The following EYS variants were observed in gnomAD, a reference collection of about 807,000 sequenced individuals.
EYS encodes EGF-like photoreceptor maintenance factor, also known as protein eyes shut homolog.
EYS carries 250 observed loss-of-function variants against 282.1 expected under a neutral mutation model. That is an observed-to-expected ratio of 0.89 (90% CI 0.80 to 0.98). The LOEUF (loss-of-function observed/expected upper bound fraction) is 0.98. Ranked by LOEUF, EYS falls within the 50% of genes least tolerant of loss-of-function variation. EYS has a pLI of 0.00. For synonymous variants in EYS, 1,355 were observed against 1,282.9 expected (o/e 1.06, Z -1.20); for missense variants, 4,016 against 3,709.0 (o/e 1.08, Z -2.15).
At chr6:64,568,317 G>A (rs1765622255) in intron 26 of EYS, among the ~76,000 whole-genome samples, 1 of 152,216 alleles carries the variant, frequency 6.6e-6, no homozygotes, top group African/African-American at 2.4e-5. Context: ...AACAGAGCTA[G>A]TGAAGGAAGA....
At chr6:64,561,765 G>C (rs1765400566) in intron 26 of EYS, among the ~76,000 whole-genome samples, 1 of 151,822 alleles carries the variant, frequency 6.6e-6, no homozygotes, top group African/African-American at 2.4e-5. Context: ...GCAATTTACA[G>C]ATGTAATACT....
chr6:65,384,339 T>C, intron 8 of EYS, 47 bp downstream of exon 8: 1 of 1,014,790 alleles, frequency 9.9e-7, no homozygotes, highest in Non-Finnish European at 1.6e-6. Flanking sequence ...CTGAGTCTAT[T>C]GTATTTTGAA....
intron 26 of EYS, among the ~76,000 whole-genome samples, chr6:64,455,156 C>G (rs1288144540): frequency 1.3e-5 from 2 of 152,056 alleles, no homozygotes; most frequent in Admixed American, 1.3e-4. Flanking sequence ...AGGCAATCCT[C>G]CCTCCTCTGC....
intron 31 of EYS, among the ~76,000 whole-genome samples, chr6:64,186,665 C>A (rs1444186007): frequency 6.6e-6 from 1 of 152,036 alleles, no homozygotes; most frequent in African/African-American, 2.4e-5. Context: ...GGAGTGAAAG[C>A]AACTAAACAG....
intron 12 of EYS, among the ~76,000 whole-genome samples, chr6:65,178,996 A>T (rs1765301148): frequency 6.6e-6 from 1 of 152,120 alleles, no homozygotes. Flanking sequence ...AGAAATAAAG[A>T]TGTCCTTTGA....
At chr6:64,359,635 T>C (rs1257051236) in intron 29 of EYS, among the ~76,000 whole-genome samples, 1 of 151,680 alleles carries the variant, frequency 6.6e-6, no homozygotes, top group Non-Finnish European at 1.5e-5. Flanking sequence ...AATTCAAAGA[T>C]TGGGGTGCCA....
chr6:63,855,480 T>TA, intron 36 of EYS, among the ~76,000 whole-genome samples: 1 of 152,210 alleles, frequency 6.6e-6, no homozygotes, highest in Admixed American at 6.5e-5. Flanking sequence ...CACAAATACT[T>TA]ATGATTATCT....
chr6:64,506,510 T>A (rs1248632251), intron 26 of EYS, among the ~76,000 whole-genome samples: 1 of 152,204 alleles, frequency 6.6e-6, no homozygotes. Context: ...TTTAGCACAA[T>A]AAAATTTAAT....
At chr6:64,873,999 T>C (rs191249168) in intron 19 of EYS, among the ~76,000 whole-genome samples, 95 of 152,180 alleles carry the variant, frequency 6.2e-4, no homozygotes, top group African/African-American at 2.2e-3. Flanking sequence ...AAAGCCACAA[T>C]TAAATGGCCT....
chr6:65,504,971 G>A (rs1766602618), intron 2 of EYS, among the ~76,000 whole-genome samples: 1 of 151,780 alleles, frequency 6.6e-6, no homozygotes, highest in Non-Finnish European at 1.5e-5. Flanking sequence ...ACTGGAAGAG[G>A]TTATGAAGAA....
chr6:64,799,496 A>G (rs1037544465), intron 22 of EYS, among the ~76,000 whole-genome samples: 1 of 151,816 alleles, frequency 6.6e-6, no homozygotes, highest in Non-Finnish European at 1.5e-5. Context: ...TAAGACATTT[A>G]TCTAATTTAT....
In EYS at chr6:64,835,455, T is replaced by C. The variant is rs1765354712; in HGVS notation, c.2993-12633A>G. ...CAATGTTATAGACTAACACAGTCAC[T>C]AATTAGCATAATGTGGCTGAGAATT... is the stretch of plus-strand genomic sequence containing the variant. On this transcript the variant is annotated intron_variant, in intron 19 of 42. Coordinates refer to ENST00000503581, the MANE Select transcript of EYS (RefSeq NM_001142800.2). Among the ~76,000 whole-genome samples the C allele has an allele frequency of 2.7e-5, 4 of 146,534 alleles. No homozygotes were observed. In the South Asian group the frequency reaches 8.7e-4, roughly 32 times the overall value.
chr6:64,610,116 C>A (rs970909990), intron 24 of EYS, among the ~76,000 whole-genome samples: 1 of 152,030 alleles, frequency 6.6e-6, no homozygotes, highest in Non-Finnish European at 1.5e-5. Context: ...TATAGCCAAG[C>A]TTTTAATTCA....
intron 12 of EYS, among the ~76,000 whole-genome samples, chr6:65,110,896 C>T (rs1484620828): frequency 6.6e-6 from 1 of 151,890 alleles, no homozygotes. Context: ...CCGGTTATAG[C>T]ATAGAGAACA....
intron 11 of EYS, among the ~76,000 whole-genome samples, chr6:65,314,617 C>G (rs956682827): frequency 1.5e-5 from 2 of 137,876 alleles, no homozygotes; most frequent in African/African-American, 5.6e-5. Context: ...TGTTTTCCAG[C>G]TAAAACCTAA....
At chr6:65,504,328 T>G (rs1420944723) in intron 2 of EYS, among the ~76,000 whole-genome samples, 1 of 151,712 alleles carries the variant, frequency 6.6e-6, no homozygotes, top group Non-Finnish European at 1.5e-5. Flanking sequence ...CTGACTTATT[T>G]AAGGCATTTT....
chr6:64,520,671 T>C (rs967426297), intron 26 of EYS, among the ~76,000 whole-genome samples: 4 of 151,814 alleles, frequency 2.6e-5, no homozygotes, highest in Non-Finnish European at 5.9e-5. Context: ...ATATGCACAT[T>C]GAGTCAGGAG....
chr6:64,515,832 C>T (rs2150522272), intron 26 of EYS, among the ~76,000 whole-genome samples: 1 of 151,652 alleles, frequency 6.6e-6, no homozygotes, highest in South Asian at 2.1e-4. Context: ...TGTAACTATG[C>T]TTTATGGCAA....
intron 22 of EYS, among the ~76,000 whole-genome samples, chr6:64,691,499 A>T (rs1770380617): frequency 6.6e-6 from 1 of 152,198 alleles, no homozygotes; most frequent in Admixed American, 6.5e-5. Context: ...AATAAATTTT[A>T]AAAATTTCAG....
Sources: allele counts gnomAD v4.1 joint callset (sites outside exome capture counted in the v4.1 genomes callset), GRCh38; gene constraint gnomAD v4.1.1; transcripts MANE v1.5; gene names NCBI Gene and HGNC (gene_info 2026-07-23, HGNC 2026-07-21).